ABCC9: variants seen among roughly 807,000 people sequenced by gnomAD.
The protein encoded by ABCC9 is ATP binding cassette subfamily C member 9, also known as ATP-binding cassette sub-family C member 9.
ABCC9 carries 95 observed loss-of-function variants against 188.3 expected under a neutral mutation model. The observed-to-expected ratio is 0.50, with a 90% CI of 0.43 to 0.60. The LOEUF is 0.60. ABCC9 is among the 20% of genes least tolerant of loss of function. The pLI, the probability that ABCC9 is intolerant of heterozygous loss-of-function variation, is 0.00. For missense variants in ABCC9, 1,102 were observed against 1,876.3 expected (o/e 0.59, Z 7.62); for synonymous variants, 659 against 652.7 (o/e 1.01, Z -0.15).
chr12:21,915,514 A>ATATATATATAT, intron 7 of ABCC9, among the ~76,000 whole-genome samples, 154 bp downstream of exon 7: 4 of 3,520 alleles, frequency 1.1e-3, no homozygotes, highest in African/African-American at 2.2e-3. Flanking sequence ...ATATATATAT[A>ATATATATATAT]TTTTTTTTTT....
chr12:21,811,599 G>A (rs1279516512), intron 36 of ABCC9, among the ~76,000 whole-genome samples: 1 of 150,898 alleles, frequency 6.6e-6, no homozygotes, highest in Non-Finnish European at 1.5e-5. Flanking sequence ...TTTTTTTGGT[G>A]GGAAACCCTG....
At chr12:21,883,633 G>T (rs1260587182) in intron 15 of ABCC9, among the ~76,000 whole-genome samples, 5 of 152,134 alleles carry the variant, frequency 3.3e-5, no homozygotes, top group Non-Finnish European at 5.9e-5. Context: ...TCTGAATCAT[G>T]AGGATTTTTA....
At chr12:21,923,616 A>G in intron 5 of ABCC9, 1 of 542,306 alleles carries the variant, frequency 1.8e-6, no homozygotes, top group Non-Finnish European at 3.3e-6. Flanking sequence ...ACTAAATTAG[A>G]CCAAGATCAC....
intron 8 of ABCC9, among the ~76,000 whole-genome samples, chr12:21,911,913 A>G (rs908323817): frequency 5.5e-5 from 5 of 90,400 alleles, no homozygotes; most frequent in Admixed American, 1.2e-4. Context: ...TAATGTATGC[A>G]AGGATCTGGG....
chr12:21,882,181 C>A (rs1946658411), intron 16 of ABCC9, among the ~76,000 whole-genome samples: 1 of 152,108 alleles, frequency 6.6e-6, no homozygotes, highest in Non-Finnish European at 1.5e-5. Context: ...CTGGCAGCTC[C>A]CATGGATGGA....
chr12:21,823,345 T>C (rs942892890), intron 31 of ABCC9, among the ~76,000 whole-genome samples: 2 of 152,160 alleles, frequency 1.3e-5, no homozygotes, highest in African/African-American at 2.4e-5. Flanking sequence ...GCCTTGTAAA[T>C]AGTTAATAGC....
At chr12:21,922,861 T>A (rs1948885263) in intron 5 of ABCC9, 1 of 151,012 alleles carries the variant, frequency 6.6e-6, no homozygotes, top group Non-Finnish European at 1.5e-5. Flanking sequence ...AAGAAAATGT[T>A]GTGTGACTTA....
chr12:21,875,012 T>C (rs1942550327), intron 17 of ABCC9, among the ~76,000 whole-genome samples: 1 of 152,164 alleles, frequency 6.6e-6, no homozygotes, highest in African/African-American at 2.4e-5. Context: ...ATTAACAATA[T>C]AGTACTGTGT....
intron 30 of ABCC9, among the ~76,000 whole-genome samples, chr12:21,833,452 A>G (rs188960356): frequency 2.0e-5 from 3 of 152,062 alleles, no homozygotes. Context: ...AGTTTTCCTA[A>G]TGTAAAATTA....
chr12:21,875,562 T>C (rs1946299147), intron 17 of ABCC9, 92 bp downstream of exon 17: 1 of 960,962 alleles, frequency 1.0e-6, no homozygotes. Flanking sequence ...TTTATGTCTT[T>C]AAAAAGTATC....
chr12:21,838,068 GT>G lies in ABCC9; in HGVS notation c.3566+9del. 1 of 1,599,304 alleles carries G rather than the reference GT, an allele frequency of 6.3e-7. No homozygotes were observed. The highest frequency in any genetic ancestry group is 1.3e-5 in the African/African-American group (1 of 74,670). On this transcript the variant is annotated intron_variant, in intron 30 of 39. Coordinates refer to ENST00000261200, the MANE Select transcript of ABCC9 (RefSeq NM_020297.4). ...GCCTAGTCAGCTAATATAAAAATGT[GT>G]TTACTCACCTAAAGGCCCGAATGGT... is the stretch of plus-strand genomic sequence containing the variant.
In ABCC9 at chr12:21,933,868, A is replaced by G. The variant is rs1384960260; in HGVS notation, c.198T>C (p.Phe66=). The change falls in exon 4 of 40, where the codon TTT becomes TTC. Residue 66 remains phenylalanine (F), a synonymous_variant. Transcript: ENST00000261200. ...VQIHHNTWLH[F]PGHNLRWILT... ...GAATCCATCTCAGGTTATGTCCCGG[A>G]AAATGAAGCCATGTGTTGTGGTGAA... 1 of 1,613,726 alleles carries G rather than the reference A, an allele frequency of 6.2e-7. No homozygotes were observed. The highest frequency in any genetic ancestry group is 2.2e-5 in the East Asian group (1 of 44,854).
At chr12:21,915,410 A>ATACAC (rs1302424893) in intron 7 of ABCC9, among the ~76,000 whole-genome samples, 19 of 120,496 alleles carry the variant, frequency 1.6e-4, no homozygotes, top group African/African-American at 4.3e-4. Flanking sequence ...ATGTGTATAT[A>ATACAC]GACACGTGTA....
intron 38 of ABCC9, among the ~76,000 whole-genome samples, chr12:21,806,887 A>C (rs1439771543): frequency 6.6e-6 from 1 of 152,218 alleles, no homozygotes; most frequent in Non-Finnish European, 1.5e-5. Context: ...CCATAAACAC[A>C]TAGAGAAGAC....
chr12:21,915,672 T>A lies in ABCC9; in HGVS notation c.812A>T (p.Gln271Leu). ...YVCLKDAYEE[Q>L]KKKVADHPNR... is the part of the protein sequence containing the mutation. ...GGAAGACAGACGCTAAATCACCTTT[T>A]GTTCTTCATATGCATCTTTCAGGCA... Residue 271 changes from glutamine to leucine, a missense_variant, in exon 7 of 40, where the codon CAA becomes CTA. By Grantham distance (113) the Gln-to-Leu change is moderately radical. Around this residue, in one of 12 missense-constraint regions of ABCC9, gnomAD observed 305 missense variants for 573.0 expected, o/e 0.53. Transcript: ENST00000261200. The A allele has an allele frequency of 6.2e-7, 1 of 1,612,214 alleles. No individual in the cohort carries two copies. Among genetic ancestry groups the A allele is most frequent in the Non-Finnish European group, 8.5e-7 (1 of 1,179,446 alleles).
intron 12 of ABCC9, among the ~76,000 whole-genome samples, chr12:21,900,029 C>A (rs1466264171): frequency 6.6e-6 from 1 of 152,170 alleles, no homozygotes; most frequent in Non-Finnish European, 1.5e-5. Context: ...GGGTCCCTGA[C>A]CCCCAAGTAG....
Position 21,834,786 on chromosome 12 carries a change from T to TACACACACACACAC in ABCC9, c.3566+3278_3566+3291dup, listed in dbSNP as rs61211269. On this transcript the variant is annotated intron_variant, in intron 30 of 39. Coordinates refer to ENST00000261200, the MANE Select transcript of ABCC9 (RefSeq NM_020297.4). ...TATACATATAGCATATATAACATTA[T>TACACACACACACAC]ACACACACACACACACACACACACA... Among the ~76,000 whole-genome samples, 52 of 141,506 alleles carry TACACACACACACAC rather than the reference T, an allele frequency of 3.7e-4. 1 individual carries two copies. Among genetic ancestry groups the TACACACACACACAC allele is most frequent in the Admixed American group, 2.8e-3 (39 of 13,792 alleles). 92.8% of individuals were successfully genotyped at this position (141,506 alleles called of 152,430 possible).
At position 21,812,174 on chromosome 12, in the gene ABCC9, G is replaced by C; in HGVS notation, c.4103-17C>G. The C allele has an allele frequency of 6.9e-7, 1 of 1,446,130 alleles. No individual in the cohort carries two copies. The highest frequency in any genetic ancestry group is 9.7e-7 in the Non-Finnish European group (1 of 1,027,172). The allele number at this position is 1,446,130 out of a possible 1,614,324, so 89.6% of individuals were successfully genotyped here. A position where few individuals can be genotyped will look rare whatever the true frequency, so the allele number is the denominator to read the frequency against. ...CAATTTTTCCTGTTAAGGAGAAACA[G>C]AAGTTACACACACATAGTAAAATCA... On this transcript the variant is annotated splice_polypyrimidine_tract_variant and intron_variant, in intron 35 of 39. Coordinates refer to ENST00000261200, the MANE Select transcript of ABCC9 (RefSeq NM_020297.4).
chr12:21,862,377 C>G (rs1945562086), intron 20 of ABCC9, among the ~76,000 whole-genome samples: 1 of 152,096 alleles, frequency 6.6e-6, no homozygotes, highest in Admixed American at 6.6e-5. Flanking sequence ...GTCTACTTTT[C>G]TCCTCCCTCC....
Sources: gnomAD v4.1 joint callset for allele counts (sites outside exome capture counted in the v4.1 genomes callset) on GRCh38, gnomAD v4.1.1 for gene constraint, gnomAD v4.1.1 regional missense constraint, MANE v1.5 for transcripts, NCBI Gene and HGNC (gene_info 2026-07-23, HGNC 2026-07-21) for gene names.